Variants in CD109 observed in about 807,000 individuals in gnomAD.
CD109 encodes the protein CD109 molecule, also known as CD109 antigen.
A neutral mutation model predicts 165.8 loss-of-function variants in CD109; 149 were observed. The ratio of observed to expected loss-of-function variants is 0.90; its 90% CI spans 0.79 to 1.03. The LOEUF is 1.03. CD109 is among the 50% of genes least tolerant of loss of function. The pLI, the probability that CD109 is intolerant of heterozygous loss-of-function variation, is 0.00. For missense variants in CD109, 1,712 were observed against 1,677.8 expected (o/e 1.02, Z -0.36); for synonymous variants, 585 against 592.1 (o/e 0.99, Z 0.18).
rs74453555 is a variant in CD109, at chr6:73,791,103, G to A, written c.2702-1523G>A. On this transcript the variant is annotated intron_variant, in intron 22 of 32. Transcript: ENST00000287097. Reference sequence around the variant, plus strand: ...CCAAACAACCAATCCATAGGCAGAGGACTTTATTTGGAGGCATATATATAC... The same window carrying A: ...CCAAACAACCAATCCATAGGCAGAGAACTTTATTTGGAGGCATATATATAC... Among the ~76,000 whole-genome samples the A allele has an allele frequency of 2.9e-3, 372 of 128,348 alleles. 7 individuals carry two copies. In the East Asian group the frequency reaches 0.044, roughly 15 times the overall value. The allele number at this position is 128,348 out of a possible 152,430, so 84.2% of individuals were successfully genotyped here.
In CD109 at chr6:73,826,440, T is replaced by G. The variant is rs2150318064; in HGVS notation, c.*2807T>G. The G allele has an allele frequency of 6.6e-6, 1 of 152,336 alleles. No individual in the cohort carries two copies. Among genetic ancestry groups the G allele is most frequent in the African/African-American group, 2.4e-5 (1 of 41,570 alleles). The allele number at this position is 152,336 out of a possible 1,614,324, so 9.4% of individuals were successfully genotyped here. On this transcript the variant is annotated 3_prime_UTR_variant, in exon 33 of 33. Coordinates refer to ENST00000287097, the MANE Select transcript of CD109 (RefSeq NM_133493.5). Reference sequence around the variant, plus strand: ...CACCAGCATATCTTACCTCTCTTTCTGACTGGCCGATGCTTCCAGAGACTG... The same window carrying G: ...CACCAGCATATCTTACCTCTCTTTCGGACTGGCCGATGCTTCCAGAGACTG...
intron 5 of CD109, among the ~76,000 whole-genome samples, chr6:73,750,070 C>T (rs536520578): frequency 3.9e-4 from 60 of 151,964 alleles, no homozygotes; most frequent in Middle Eastern, 3.4e-3. Context: ...TGGGGGACTG[C>T]GGTAAGAGAG....
At chr6:73,737,415 T>C (rs1356479618) in intron 5 of CD109, among the ~76,000 whole-genome samples, 1 of 152,200 alleles carries the variant, frequency 6.6e-6, no homozygotes, top group African/African-American at 2.4e-5. Context: ...TTATGGGTGT[T>C]TGTATGATGT....
chr6:73,780,996 T>C (rs2150249326), intron 16 of CD109, among the ~76,000 whole-genome samples: 1 of 128,602 alleles, frequency 7.8e-6, no homozygotes, highest in South Asian at 2.3e-4. Context: ...GAGAGATCGA[T>C]ATGTGTATGC....
chr6:73,780,471 G>A lies in CD109; in HGVS notation c.1875G>A (p.Met625Ile), dbSNP rs1287411560. 1 of 1,608,950 alleles carries A rather than the reference G, an allele frequency of 6.2e-7. No homozygotes were observed. Among genetic ancestry groups the A allele is most frequent in the Non-Finnish European group, 8.5e-7 (1 of 1,176,204 alleles). Reference sequence around the variant, plus strand: ...ATAACACAGGATATTATTTAGGCATGTTCATGAATTCTTTTGCAGTCTTTC... The same window carrying A: ...ATAACACAGGATATTATTTAGGCATATTCATGAATTCTTTTGCAGTCTTTC... The part of the protein sequence containing the change: ...ELYNTGYYLG[M>I]FMNSFAVFQE... The change falls in exon 16 of 33, where the codon ATG (methionine) becomes ATA (isoleucine). Residue 625 changes from methionine (M) to isoleucine (I), a missense_variant. Physicochemically the swap from Met to Ile is conservative, Grantham distance 10. Coordinates refer to ENST00000287097, the MANE Select transcript of CD109 (RefSeq NM_133493.5).
chr6:73,808,970 T>A (rs948443173), intron 26 of CD109, among the ~76,000 whole-genome samples: 5 of 152,074 alleles, frequency 3.3e-5, no homozygotes, highest in Non-Finnish European at 7.4e-5. Flanking sequence ...GTAAAAAATA[T>A]TGTATTAACA....
At position 73,811,036 on chromosome 6, in the gene CD109, A is replaced by C; in HGVS notation, c.3591A>C (p.Leu1197=). 6.2e-7 allele frequency: 1 copy of C among 1,613,450 alleles called. No homozygotes were observed. Among genetic ancestry groups the C allele is most frequent in the Non-Finnish European group, 8.5e-7 (1 of 1,179,546 alleles). The part of the protein sequence containing the change: ...ALKALSEFAA[L]MNTERTNIQV... The stretch of plus-strand genomic sequence containing the variant: ...AGGCTCTGTCTGAATTTGCAGCCCT[A>C]ATGAATACAGAAAGGACAAATATCC... The change falls in exon 28 of 33, where the codon CTA becomes CTC. Residue 1197 remains leucine (L), a synonymous_variant. Transcript: ENST00000287097.
intron 31 of CD109, among the ~76,000 whole-genome samples, chr6:73,819,822 C>T (rs763046391): frequency 5.9e-5 from 9 of 152,312 alleles, no homozygotes; most frequent in Middle Eastern, 3.4e-3. Flanking sequence ...TGTCTTCTAT[C>T]TTTGATGCTC....
In CD109 at chr6:73,729,136, T is replaced by C. The variant is rs530518068; in HGVS notation, c.277-1208T>C. On this transcript the variant is annotated intron_variant, in intron 3 of 32. Transcript: ENST00000287097. ...TCTCCACAGACTTCTTTAGTGTCCT[T>C]ACCACACCACTCTGGCTTCCTCCAG... Among the ~76,000 whole-genome samples the C allele has an allele frequency of 2.6e-5, 4 of 152,302 alleles. No homozygotes were observed. The East Asian group carries it at 7.7e-4, about 29-fold the overall frequency.
At chr6:73,816,944 A>T (rs183966818) in intron 30 of CD109, among the ~76,000 whole-genome samples, 12 of 152,274 alleles carry the variant, frequency 7.9e-5, no homozygotes, top group Admixed American at 3.9e-4. Context: ...AGCATCAGGA[A>T]TCAGGTGGAC....
At chr6:73,725,972 G>C (rs546189675) in intron 3 of CD109, among the ~76,000 whole-genome samples, 2 of 152,236 alleles carry the variant, frequency 1.3e-5, no homozygotes, top group East Asian at 3.9e-4. Flanking sequence ...TTTTAGTAAA[G>C]CACAGTATGA....
intron 5 of CD109, among the ~76,000 whole-genome samples, chr6:73,750,189 G>A (rs748419356): frequency 6.6e-6 from 1 of 152,112 alleles, no homozygotes; most frequent in Non-Finnish European, 1.5e-5. Context: ...GGAGCAAAAG[G>A]TACCTGGGAA....
chr6:73,779,570 G>A (rs752449552), intron 15 of CD109, among the ~76,000 whole-genome samples: 6 of 151,846 alleles, frequency 4.0e-5, no homozygotes, highest in Non-Finnish European at 5.9e-5. Context: ...TTCTTTTTAC[G>A]GCTGAATAAT....
intron 29 of CD109, among the ~76,000 whole-genome samples, chr6:73,812,987 G>T (rs1324220931): frequency 6.6e-6 from 1 of 152,036 alleles, no homozygotes; most frequent in Non-Finnish European, 1.5e-5. Context: ...TGGAGAAAAA[G>T]TACTTTTTTC....
intron 23 of CD109, among the ~76,000 whole-genome samples, chr6:73,796,581 A>G (rs1043805668): frequency 3.3e-5 from 5 of 152,318 alleles, no homozygotes; most frequent in Middle Eastern, 3.4e-3. Flanking sequence ...GCTCTGTGAC[A>G]GTGGGGACCA....
chr6:73,685,470 T>C, the CD109 span, among the ~76,000 whole-genome samples: 1 of 152,202 alleles, frequency 6.6e-6, no homozygotes, highest in Admixed American at 6.5e-5. Flanking sequence ...TTGTGGATTT[T>C]GTATCATACA....
At chr6:73,762,953 G>T (rs1773690897) in intron 9 of CD109, 71 bp downstream of exon 9, 1 of 1,333,494 alleles carries the variant, frequency 7.5e-7, no homozygotes, top group Non-Finnish European at 1.0e-6. Context: ...TATTATAACT[G>T]GCACTTTCAT....
intron 22 of CD109, among the ~76,000 whole-genome samples, chr6:73,790,786 A>G (rs1774896210): frequency 6.6e-6 from 1 of 152,116 alleles, no homozygotes; most frequent in Non-Finnish European, 1.5e-5. Flanking sequence ...GGGGAGGACA[A>G]TCTGCTGGAC....
chr6:73,747,467 C>T (rs1305378095), intron 5 of CD109, among the ~76,000 whole-genome samples: 2 of 152,120 alleles, frequency 1.3e-5, no homozygotes, highest in Non-Finnish European at 2.9e-5. Flanking sequence ...TACATATTGG[C>T]ACATTGCAAG....
Sources: gnomAD v4.1 joint callset for allele counts (sites outside exome capture counted in the v4.1 genomes callset) on GRCh38, gnomAD v4.1.1 for gene constraint, MANE v1.5 for transcripts, NCBI Gene and HGNC (gene_info 2026-07-23, HGNC 2026-07-21) for gene names.